The following EIF5A2 variants were observed in gnomAD, a reference collection of about 807,000 sequenced individuals.
EIF5A2 encodes the protein eukaryotic translation initiation factor 5A2.
EIF5A2 carries 15 observed loss-of-function variants against 16.4 expected under a neutral mutation model. That is an observed-to-expected ratio of 0.92 (90% CI 0.61 to 1.41). The LOEUF (loss-of-function observed/expected upper bound fraction) is 1.41. Among genes scored for constraint, EIF5A2 ranks in the 40% most tolerant of loss-of-function variants. EIF5A2 has a pLI of 0.00. For synonymous variants in EIF5A2, 48 were observed against 61.1 expected (o/e 0.79, Z 1.00); for missense variants, 144 against 189.5 (o/e 0.76, Z 1.41).
At chr3:170,903,024 C>G (rs1712853199) in intron 3 of EIF5A2, among the ~76,000 whole-genome samples, 1 of 152,114 alleles carries the variant, frequency 6.6e-6, no homozygotes, top group South Asian at 2.1e-4. Context: ...ACAGGTCAGT[C>G]TTGATATGGC....
chr3:170,900,877 T>G (rs775722858), intron 3 of EIF5A2, among the ~76,000 whole-genome samples: 27 of 152,210 alleles, frequency 1.8e-4, no homozygotes, highest in Non-Finnish European at 3.4e-4. Flanking sequence ...AATGAAGGAA[T>G]GACAGATCAT....
intron 1 of EIF5A2, among the ~76,000 whole-genome samples, chr3:170,908,174 C>T (rs2108297598): frequency 6.6e-6 from 1 of 152,314 alleles, no homozygotes; most frequent in Admixed American, 6.5e-5. Flanking sequence ...CCTCGGCCGC[C>T]GCCCCGAACC....
intron 3 of EIF5A2, among the ~76,000 whole-genome samples, chr3:170,894,769 G>C (rs1712626865): frequency 4.6e-5 from 7 of 150,674 alleles, no homozygotes. Context: ...GCTCACGCCT[G>C]TAATCCCAGC....
intron 3 of EIF5A2, among the ~76,000 whole-genome samples, chr3:170,900,356 G>A (rs1040311688): frequency 1.3e-4 from 16 of 120,254 alleles, no homozygotes; most frequent in Non-Finnish European, 1.6e-4. Flanking sequence ...GGCAGAGCAC[G>A]ACTCCATCTC....
chr3:170,902,698 T>C (rs910214203), intron 3 of EIF5A2, among the ~76,000 whole-genome samples: 17 of 146,092 alleles, frequency 1.2e-4, no homozygotes, highest in Middle Eastern at 3.4e-3. Flanking sequence ...AACCTCCGCC[T>C]CCCAGGTTCA....
At chr3:170,902,093 C>T (rs549360234) in intron 3 of EIF5A2, among the ~76,000 whole-genome samples, 31 of 152,234 alleles carry the variant, frequency 2.0e-4, no homozygotes, top group African/African-American at 7.2e-4. Context: ...TTGAGAAGGA[C>T]CTAAAGGTAC....
At chr3:170,897,309 G>A (rs1004592398) in intron 3 of EIF5A2, among the ~76,000 whole-genome samples, 1 of 152,210 alleles carries the variant, frequency 6.6e-6, no homozygotes, top group Non-Finnish European at 1.5e-5. Flanking sequence ...ACAAGGAGCT[G>A]AATATTAATA....
Position 170,890,545 on chromosome 3 carries a change from C to T in EIF5A2, c.*2815G>A, listed in dbSNP as rs1712505806. On this transcript the variant is annotated 3_prime_UTR_variant, in exon 5 of 5. Coordinates refer to ENST00000295822, the MANE Select transcript of EIF5A2 (RefSeq NM_020390.6). ...TATGTTTATGATGCAAATGCTAAGT[C>T]AAAGTAGCAATGATATGATCTATGT... The T allele has an allele frequency of 6.6e-6, 1 of 152,090 alleles. No homozygotes were observed. The highest frequency in any genetic ancestry group is 1.9e-4 in the East Asian group (1 of 5,178). 9.4% of individuals were successfully genotyped at this position (152,090 alleles called of 1,614,324 possible).
chr3:170,904,337 T>C (rs1712881046), intron 3 of EIF5A2, among the ~76,000 whole-genome samples: 1 of 152,266 alleles, frequency 6.6e-6, no homozygotes. Flanking sequence ...ACAGAATACA[T>C]ATTTCTCTTT....
intron 1 of EIF5A2, among the ~76,000 whole-genome samples, chr3:170,908,123 G>T (rs2108297574): frequency 6.6e-6 from 1 of 152,220 alleles, no homozygotes; most frequent in East Asian, 1.9e-4. Context: ...GGCCCCCATC[G>T]CCCCACCGCA....
In EIF5A2 at chr3:170,889,968, A is replaced by AT. The variant is rs148879411; in HGVS notation, c.*3391dup. ...TAGTTTAAGTGTGTTGACATTAAGG[A>AT]TTTTTTTATATGCATGTATCACAGT... is the stretch of plus-strand genomic sequence containing the variant. On this transcript the variant is annotated 3_prime_UTR_variant, in exon 5 of 5. Coordinates refer to ENST00000295822, the MANE Select transcript of EIF5A2 (RefSeq NM_020390.6). 2 of 152,532 alleles carry AT rather than the reference A, an allele frequency of 1.3e-5. No homozygotes were observed. Among genetic ancestry groups the AT allele is most frequent in the Admixed American group, 6.6e-5 (1 of 15,256 alleles). 9.4% of individuals were successfully genotyped at this position (152,532 alleles called of 1,614,324 possible).
At chr3:170,894,455 T>C (rs1712618303) in intron 3 of EIF5A2, 32 bp from the exon 4 acceptor site, 5 of 1,607,536 alleles carry the variant, frequency 3.1e-6, no homozygotes, top group Middle Eastern at 3.4e-4. Context: ...TTTGTGCTGA[T>C]TAGATTATAT....
rs997806465 is a variant in EIF5A2 at position 170,908,541 on chromosome 3, A to G, written c.-36+2T>C. The G allele has an allele frequency of 6.6e-6, 1 of 152,614 alleles. No individual in the cohort carries two copies. Among genetic ancestry groups the G allele is most frequent in the Non-Finnish European group, 1.5e-5 (1 of 68,526 alleles). 9.5% of individuals were successfully genotyped at this position (152,614 alleles called of 1,614,324 possible). ...CCCACCAGCTTTTCCCCAGGTCTTC[A>G]CCTTTCAGCTGGCAAAGAGCGCCTT... On this transcript the variant is annotated splice_donor_variant, in intron 1 of 4. Transcript: ENST00000295822. LOFTEE classifies it low-confidence loss of function (5UTR_SPLICE).
chr3:170,906,932 A>G, intron 3 of EIF5A2, 57 bp downstream of exon 3: 2 of 1,197,320 alleles, frequency 1.7e-6, no homozygotes, highest in Admixed American at 2.1e-5. Flanking sequence ...TACTGATAGT[A>G]CAAAGTATTT....
rs1560008397 is a variant in EIF5A2, at chr3:170,891,419, A to C, written c.*1941T>G. ...AGGAAAGACGACTAACTACTACCTCACTATTTCTTGTGCTTTAGAAATTTC... is the reference window on the plus strand; with the variant it reads ...AGGAAAGACGACTAACTACTACCTCCCTATTTCTTGTGCTTTAGAAATTTC... On this transcript the variant is annotated 3_prime_UTR_variant, in exon 5 of 5. Transcript: ENST00000295822. The C allele has an allele frequency of 6.6e-6, 1 of 152,592 alleles. No homozygotes were observed. The highest frequency in any genetic ancestry group is 1.5e-5 in the Non-Finnish European group (1 of 68,018). The allele number at this position is 152,592 out of a possible 1,614,324, so 9.5% of individuals were successfully genotyped here.
chr3:170,904,359 G>A (rs918812573), intron 3 of EIF5A2, among the ~76,000 whole-genome samples: 10 of 152,030 alleles, frequency 6.6e-5, no homozygotes, highest in South Asian at 2.1e-4. Context: ...GCCAACTGCC[G>A]AACTGGCACT....
intron 3 of EIF5A2, among the ~76,000 whole-genome samples, chr3:170,903,432 G>GT (rs34418255): frequency 6.6e-6 from 1 of 152,088 alleles, no homozygotes; most frequent in South Asian, 2.1e-4. Context: ...CTGGAGTGCT[G>GT]TTTTTTGCAG....
intron 3 of EIF5A2, among the ~76,000 whole-genome samples, chr3:170,894,738 G>A (rs1249745050): frequency 6.6e-6 from 1 of 150,622 alleles, no homozygotes; most frequent in Non-Finnish European, 1.5e-5. Context: ...ATCAAAATGG[G>A]ATATTGGGCC....
intron 3 of EIF5A2, among the ~76,000 whole-genome samples, chr3:170,906,439 T>C (rs1015896259): frequency 2.0e-5 from 3 of 152,178 alleles, no homozygotes; most frequent in Non-Finnish European, 4.4e-5. Flanking sequence ...TAACCAATTA[T>C]ATAGTTTTTG....
Sources: allele counts gnomAD v4.1 joint callset (sites outside exome capture counted in the v4.1 genomes callset), GRCh38; gene constraint gnomAD v4.1.1; transcripts MANE v1.5; gene names NCBI Gene and HGNC (gene_info 2026-07-23, HGNC 2026-07-21).